HSD17B12: variants seen among roughly 807,000 people sequenced by gnomAD.
HSD17B12 encodes very-long-chain 3-oxoacyl-CoA reductase.
In HSD17B12, 32 loss-of-function variants were observed where a neutral mutation model predicts 39.3. The observed-to-expected ratio is 0.81, with a 90% CI of 0.61 to 1.09. The LOEUF (loss-of-function observed/expected upper bound fraction) is 1.09. HSD17B12 is among the 50% of genes least tolerant of loss of function. The pLI is 0.00. For missense variants in HSD17B12, 342 were observed against 382.9 expected, an observed-to-expected ratio of 0.89 and a Z score of 0.89; for synonymous variants, 150 against 146.7, an observed-to-expected ratio of 1.02 and a Z score of -0.16.
the HSD17B12 span, among the ~76,000 whole-genome samples, chr11:43,612,147 A>G: frequency 6.6e-6 from 1 of 152,164 alleles, no homozygotes; most frequent in East Asian, 1.9e-4. Context: ...TTTGGTATCA[A>G]ATGATGTAAT....
At chr11:43,818,329 T>C (rs1951149630) in intron 6 of HSD17B12, among the ~76,000 whole-genome samples, 1 of 152,184 alleles carries the variant, frequency 6.6e-6, no homozygotes, top group Non-Finnish European at 1.5e-5. Flanking sequence ...GCATGTGTTA[T>C]AGTCATGTCA....
intron 1 of HSD17B12, among the ~76,000 whole-genome samples, chr11:43,709,612 AT>A (rs886796824): frequency 1.3e-5 from 2 of 152,126 alleles, no homozygotes; most frequent in African/African-American, 2.4e-5. Flanking sequence ...GAGTAATTGG[AT>A]TTTTTTCTCC....
the HSD17B12 span, among the ~76,000 whole-genome samples, chr11:43,616,976 T>TAA: frequency 3.1e-5 from 3 of 97,964 alleles, no homozygotes; most frequent in African/African-American, 7.7e-5. Context: ...TATCTCAAAT[T>TAA]AAAAAAAAAA....
chr11:43,759,185 C>T (rs1437882563), intron 3 of HSD17B12, among the ~76,000 whole-genome samples: 1 of 152,086 alleles, frequency 6.6e-6, no homozygotes, highest in Non-Finnish European at 1.5e-5. Flanking sequence ...TGAAAAAAAT[C>T]AAGGACTTTT....
At chr11:43,585,087 T>C in the HSD17B12 span, among the ~76,000 whole-genome samples, 10 of 152,340 alleles carry the variant, frequency 6.6e-5, 1 homozygote, top group East Asian at 1.9e-4. Context: ...TCATTTGCCA[T>C]GTGAAGTTTC....
In HSD17B12 at chr11:43,765,563, C is replaced by T. The variant is rs75471350; in HGVS notation, c.283+11442C>T. ...CTTAAATTTAAGTGTTCATAGTTTT[C>T]GGATAGTTTCTTCATCTCACACTCT... On this transcript the variant is annotated intron_variant, in intron 3 of 10. Coordinates refer to ENST00000278353, the MANE Select transcript of HSD17B12 (RefSeq NM_016142.3). Among the ~76,000 whole-genome samples, 1,382 of 151,310 alleles carry T rather than the reference C, an allele frequency of 9.1e-3. 27 individuals carry two copies. The highest frequency in any genetic ancestry group is 0.032 in the African/African-American group (1,329 of 41,260).
chr11:43,803,397 T>A (rs1019100642), intron 4 of HSD17B12, among the ~76,000 whole-genome samples: 1 of 152,192 alleles, frequency 6.6e-6, no homozygotes, highest in African/African-American at 2.4e-5. Flanking sequence ...TTCTCACTTT[T>A]ATAACATTCT....
intron 1 of HSD17B12, among the ~76,000 whole-genome samples, chr11:43,708,427 C>A (rs1282149715): frequency 6.6e-6 from 1 of 152,078 alleles, no homozygotes; most frequent in African/African-American, 2.4e-5. Context: ...GCAGTACACC[C>A]TTAGGACTTA....
chr11:43,783,980 A>C (rs976612917), intron 3 of HSD17B12, among the ~76,000 whole-genome samples: 2 of 152,220 alleles, frequency 1.3e-5, no homozygotes, highest in African/African-American at 4.8e-5. Context: ...AAATCTCTTT[A>C]ATATCTGGCA....
At chr11:43,845,517 T>C (rs943513334) in intron 9 of HSD17B12, among the ~76,000 whole-genome samples, 17 of 152,190 alleles carry the variant, frequency 1.1e-4, no homozygotes, top group African/African-American at 4.1e-4. Flanking sequence ...TTGTGTTTCA[T>C]GACAGTGACA....
the HSD17B12 span, among the ~76,000 whole-genome samples, chr11:43,614,400 G>A: frequency 6.6e-6 from 1 of 152,040 alleles, no homozygotes; most frequent in Non-Finnish European, 1.5e-5. Context: ...CTCTGTATAT[G>A]TGTGCCTGGT....
intron 1 of HSD17B12, among the ~76,000 whole-genome samples, chr11:43,707,205 GTC>G (rs1442006252): frequency 2.0e-5 from 3 of 152,222 alleles, no homozygotes; most frequent in Non-Finnish European, 4.4e-5. Context: ...AATGGGCAAA[GTC>G]TTTGCTCTCA....
At chr11:43,790,734 G>A (rs187273931) in intron 3 of HSD17B12, among the ~76,000 whole-genome samples, 316 of 152,344 alleles carry the variant, frequency 2.1e-3, no homozygotes, top group Non-Finnish European at 3.6e-3. Flanking sequence ...GCTTACGCCT[G>A]TAATCCCAGC....
the HSD17B12 span, among the ~76,000 whole-genome samples, chr11:43,612,982 A>G: frequency 6.6e-6 from 1 of 152,190 alleles, no homozygotes; most frequent in East Asian, 1.9e-4. Context: ...AGGCCAGTGT[A>G]GCCTAAGTAT....
chr11:43,814,778 G>GA (rs1043058459), intron 4 of HSD17B12, among the ~76,000 whole-genome samples: 1 of 152,104 alleles, frequency 6.6e-6, no homozygotes, highest in African/African-American at 2.4e-5. Context: ...GGCTCTGCAG[G>GA]AAAGGCTCCC....
chr11:43,755,172 A>G (rs888037242), intron 3 of HSD17B12: 8 of 272,366 alleles, frequency 2.9e-5, no homozygotes, highest in African/African-American at 6.5e-5. Context: ...TGTAAAAGCT[A>G]GAGTTAGTTC....
chr11:43,840,270 A>G (rs753748208), intron 9 of HSD17B12, among the ~76,000 whole-genome samples: 1 of 152,164 alleles, frequency 6.6e-6, no homozygotes, highest in Non-Finnish European at 1.5e-5. Flanking sequence ...AAGTAGGGAT[A>G]CCTAAAGTGG....
chr11:43,766,077 G>A (rs573699195), intron 3 of HSD17B12, among the ~76,000 whole-genome samples: 7 of 152,220 alleles, frequency 4.6e-5, no homozygotes, highest in South Asian at 2.1e-4. Flanking sequence ...TGCCTGCCTC[G>A]GCCTCCCAAA....
chr11:43,590,743 C>T, the HSD17B12 span, among the ~76,000 whole-genome samples: 1 of 149,972 alleles, frequency 6.7e-6, no homozygotes, highest in African/African-American at 2.4e-5. Flanking sequence ...ATCTCCTGAC[C>T]TTGTGATCTG....
Sources: allele counts gnomAD v4.1 joint callset (sites outside exome capture counted in the v4.1 genomes callset), GRCh38; gene constraint gnomAD v4.1.1; transcripts MANE v1.5; gene names NCBI Gene and HGNC (gene_info 2026-07-23, HGNC 2026-07-21).